The following CASP10 variants were observed in gnomAD, a reference collection of about 807,000 sequenced individuals.
The protein encoded by CASP10 is caspase 10, also known as caspase-10.
Under a neutral mutation model 48.5 loss-of-function variants are expected in CASP10, and 41 were observed. That is an observed-to-expected ratio of 0.85 (90% CI 0.66 to 1.10). CASP10 has a LOEUF of 1.10. Among genes scored for constraint, CASP10 ranks in the 50% least tolerant of loss-of-function variants. CASP10 has a pLI of 0.00. For missense variants in CASP10, 614 were observed against 614.5 expected (o/e 1.00, Z 0.01); for synonymous variants, 232 against 238.4 (o/e 0.97, Z 0.25).
rs955460194 is a variant in CASP10 at position 201,221,024 on chromosome 2, A to G, written c.*3283A>G. ...GGGAAGACGAAAAAGAATGTGTCCT[A>G]TGTGTGCATCTATTTAAATCTAACT... On this transcript the variant is annotated 3_prime_UTR_variant, in exon 10 of 10. Transcript: ENST00000286186. 12 of 985,340 alleles carry G rather than the reference A, an allele frequency of 1.2e-5. No individual in the cohort carries two copies. Among genetic ancestry groups the G allele is most frequent in the African/African-American group, 1.0e-4 (6 of 57,244 alleles). 61.0% of individuals were successfully genotyped at this position (985,340 alleles called of 1,614,324 possible). A position where few individuals can be genotyped will look rare whatever the true frequency, so the allele number is the denominator to read the frequency against.
intron 5 of CASP10, 101 bp from the exon 6 acceptor site, chr2:201,203,629 G>A: frequency 1.9e-6 from 2 of 1,057,802 alleles, no homozygotes; most frequent in East Asian, 4.7e-5. Flanking sequence ...CTGTGGCTGT[G>A]GATTAGATAT....
Position 201,219,657 on chromosome 2 carries a change from C to G in CASP10, c.*1916C>G, listed in dbSNP as rs1576150877. On this transcript the variant is annotated 3_prime_UTR_variant, in exon 10 of 10. Transcript: ENST00000286186. ...TGAAGGGAGTGGCTCTGTAAGGACG[C>G]CTTGATGCTTTCTTCATTAAGATTT... 1.0e-6 allele frequency: 1 copy of G among 984,390 alleles called. No homozygotes were observed. Among genetic ancestry groups the G allele is most frequent in the South Asian group, 4.7e-5 (1 of 21,234 alleles). The allele number at this position is 984,390 out of a possible 1,614,324, so 61.0% of individuals were successfully genotyped here.
At chr2:201,227,998 C>T (rs756242067) in intron 9 of CASP10, among the ~76,000 whole-genome samples, 26 of 152,096 alleles carry the variant, frequency 1.7e-4, no homozygotes, top group Non-Finnish European at 3.1e-4. Flanking sequence ...GCTCAGCACT[C>T]TATTGGATAA....
chr2:201,201,704 G>T (rs1945025371), intron 5 of CASP10, among the ~76,000 whole-genome samples: 1 of 152,248 alleles, frequency 6.6e-6, no homozygotes, highest in Non-Finnish European at 1.5e-5. Flanking sequence ...AGGTTGGAAG[G>T]TGTCTTAAAA....
chr2:201,185,748 C>T (rs762405050), intron 1 of CASP10, 23 bp from the exon 2 acceptor site: 28 of 1,506,276 alleles, frequency 1.9e-5, no homozygotes, highest in Non-Finnish European at 1.1e-5. Context: ...TAACTCCCTG[C>T]CCCACCTCTC....
intron 5 of CASP10, among the ~76,000 whole-genome samples, chr2:201,201,089 G>A (rs1306876962): frequency 6.6e-5 from 10 of 151,790 alleles, no homozygotes; most frequent in Non-Finnish European, 1.3e-4. Context: ...ATGGAGTCTC[G>A]CTCTGTCACC....
At chr2:201,194,752 G>A (rs977274230) in intron 4 of CASP10, among the ~76,000 whole-genome samples, 2 of 152,186 alleles carry the variant, frequency 1.3e-5, no homozygotes, top group Admixed American at 1.3e-4. Context: ...ATTTGCCTCA[G>A]TGAGTCTTGA....
In CASP10 at chr2:201,187,741, CAG is replaced by C. The variant is rs1412662677; in HGVS notation, c.387_388del (p.Asn130LeufsTer16). ...TACGAACTGTCAGAAGGCATTGACT[CAG>C]AGAACTTAAAGGACATGATCTTCCT... On this transcript the variant is annotated frameshift_variant, in exon 3 of 10. Transcript: ENST00000286186. LOFTEE classifies it high-confidence loss of function. 1.2e-6 allele frequency: 2 copies of C among 1,614,058 alleles called. No homozygotes were observed. The highest frequency in any genetic ancestry group is 4.5e-5 in the East Asian group (2 of 44,872).
At chr2:201,202,277 T>C (rs1277870587) in intron 5 of CASP10, among the ~76,000 whole-genome samples, 1 of 152,206 alleles carries the variant, frequency 6.6e-6, no homozygotes, top group Admixed American at 6.5e-5. Flanking sequence ...TCAAAAGAAG[T>C]TGAAAGATGA....
chr2:201,209,162 C>A lies in CASP10; in HGVS notation c.1015C>A (p.Gln339Lys). ...KVEMEMVLQKQKCNPAHADGD... is the reference protein window; with the variant it reads ...KVEMEMVLQKKKCNPAHADGD... ...GGAAATGGAGATGGTCCTGCAGAAG[C>A]AGAAGTGCAATCCAGCCCATGCCGA... is the stretch of plus-strand genomic sequence containing the variant. Residue 339 changes from glutamine to lysine, a missense_variant, in exon 9 of 10, where the codon CAG becomes AAG. Physicochemically the swap from Gln to Lys is moderately conservative, Grantham distance 53. Transcript: ENST00000286186. 6.2e-7 allele frequency: 1 copy of A among 1,611,978 alleles called. No homozygotes were observed.
At chr2:201,187,671 A>G (rs1482962121) in intron 2 of CASP10, 35 bp from the exon 3 acceptor site, 2 of 1,474,832 alleles carry the variant, frequency 1.4e-6, no homozygotes, top group Non-Finnish European at 1.9e-6. Flanking sequence ...CCACAAGTGT[A>G]AGGCTTTATT....
At position 201,220,445 on chromosome 2, in the gene CASP10, G is replaced by C. The variant is rs1197660928; in HGVS notation, c.*2704G>C. ...CTTTCCCTTCAGGTGCACTAAGTGG[G>C]GAAGCTAAAAGCAGACTGGAGGGGG... On this transcript the variant is annotated 3_prime_UTR_variant, in exon 10 of 10. Transcript: ENST00000286186. 1 of 153,932 alleles carries C rather than the reference G, an allele frequency of 6.5e-6. No individual in the cohort carries two copies. Among genetic ancestry groups the C allele is most frequent in the Admixed American group, 6.5e-5 (1 of 15,276 alleles). The allele number at this position is 153,932 out of a possible 1,614,324, so 9.5% of individuals were successfully genotyped here.
Position 201,221,177 on chromosome 2 carries a change from G to C in CASP10, c.*3436G>C, listed in dbSNP as rs1235402112. On this transcript the variant is annotated 3_prime_UTR_variant, in exon 10 of 10. Transcript: ENST00000286186. ...CTTTATTAGCGGCAACTCAGCACTAGCATTACCCCTGACATACTCTGAGTA... is the reference window on the plus strand; with the variant it reads ...CTTTATTAGCGGCAACTCAGCACTACCATTACCCCTGACATACTCTGAGTA... The C allele has an allele frequency of 3.0e-6, 3 of 985,284 alleles. No individual in the cohort carries two copies. Among genetic ancestry groups the C allele is most frequent in the African/African-American group, 3.5e-5 (2 of 57,228 alleles). The allele number at this position is 985,284 out of a possible 1,614,324, so 61.0% of individuals were successfully genotyped here.
In CASP10 at chr2:201,219,018, C is replaced by T; in HGVS notation, c.*1277C>T. The T allele has an allele frequency of 1.1e-5, 11 of 981,708 alleles. No individual in the cohort carries two copies. The highest frequency in any genetic ancestry group is 1.3e-5 in the Non-Finnish European group (11 of 826,572). 60.8% of individuals were successfully genotyped at this position (981,708 alleles called of 1,614,324 possible). A position where few individuals can be genotyped will look rare whatever the true frequency, so the allele number is the denominator to read the frequency against. On this transcript the variant is annotated 3_prime_UTR_variant, in exon 10 of 10. Transcript: ENST00000286186. ...GGTGCGGTGACTCATGCCTGTAATC[C>T]CAGTACTCTGGGAAGCCAAGGCAGG...
Position 201,220,094 on chromosome 2 carries a change from C to A in CASP10, c.*2353C>A. On this transcript the variant is annotated 3_prime_UTR_variant, in exon 10 of 10. Coordinates refer to ENST00000286186, the MANE Select transcript of CASP10 (RefSeq NM_032977.4). ...TGTTATAAGAATATTCACAAGAACA[C>A]TGTTCTGATATCTCTGATTGTCATG... is the stretch of plus-strand genomic sequence containing the variant. 1 of 985,350 alleles carries A rather than the reference C, an allele frequency of 1.0e-6. No homozygotes were observed. Among genetic ancestry groups the A allele is most frequent in the Non-Finnish European group, 1.2e-6 (1 of 829,838 alleles). The allele number at this position is 985,350 out of a possible 1,614,324, so 61.0% of individuals were successfully genotyped here.
chr2:201,199,417 G>A (rs980392542), intron 5 of CASP10, among the ~76,000 whole-genome samples: 2 of 152,136 alleles, frequency 1.3e-5, no homozygotes, highest in South Asian at 2.1e-4. Context: ...TTGGGAGGCC[G>A]AGGTGGGAGG....
chr2:201,209,478 C>A lies in CASP10; in HGVS notation c.1331C>A (p.Pro444Gln), dbSNP rs755268076. The A allele has an allele frequency of 4.3e-6, 7 of 1,614,096 alleles. No homozygotes were observed. In the South Asian group the frequency reaches 7.7e-5, roughly 18 times the overall value. Residue 444 changes from proline to glutamine, a missense_variant, in exon 9 of 10, where the codon CCA becomes CAA. Pro to Gln is a moderately conservative substitution (Grantham distance 76, BLOSUM62 -1). Coordinates refer to ENST00000286186, the MANE Select transcript of CASP10 (RefSeq NM_032977.4). ...ADFLLGLATV[P>Q]GYVSFRHVEE... ...TTCCTACTTGGTCTGGCCACTGTCC[C>A]AGGCTATGTATCCTTTCGGCATGTG...
At chr2:201,206,218 T>A in intron 7 of CASP10, 2 of 399,546 alleles carry the variant, frequency 5.0e-6, no homozygotes, top group South Asian at 4.9e-5. Context: ...CTGTTACACT[T>A]TGAGTCATGC....
chr2:201,213,752 T>A (rs1945478565), intron 9 of CASP10: 1 of 152,176 alleles, frequency 6.6e-6, no homozygotes, highest in Admixed American at 6.5e-5. Flanking sequence ...TTCAGGGGGT[T>A]TGAATGAGGA....
Sources: allele counts gnomAD v4.1 joint callset (sites outside exome capture counted in the v4.1 genomes callset), GRCh38; gene constraint gnomAD v4.1.1; transcripts MANE v1.5; gene names NCBI Gene and HGNC (gene_info 2026-07-23, HGNC 2026-07-21).